The following G3BP1 variants were observed in gnomAD, a reference collection of about 807,000 sequenced individuals.
G3BP1 encodes G3BP stress granule assembly factor 1, also known as ras GTPase-activating protein-binding protein 1.
G3BP1 carries 35 observed loss-of-function variants against 58.6 expected under a neutral mutation model. That is an observed-to-expected ratio of 0.60 (90% CI 0.46 to 0.79). The LOEUF is 0.79. Among genes scored for constraint, G3BP1 ranks in the 30% least tolerant of loss-of-function variants. G3BP1 has a pLI of 0.00. For synonymous variants in G3BP1, 191 were observed against 195.4 expected (o/e 0.98, Z 0.19); for missense variants, 523 against 580.8 (o/e 0.90, Z 1.02).
intron 11 of G3BP1, among the ~76,000 whole-genome samples, chr5:151,802,849 C>T (rs923477996): frequency 1.3e-5 from 2 of 152,134 alleles, no homozygotes; most frequent in Admixed American, 6.5e-5. Flanking sequence ...AGGAGAATGG[C>T]GTGAATCTGG....
rs1437929761 is a variant in G3BP1 at position 151,803,874 on chromosome 5, G to T, written c.1195-11G>T. 3.1e-6 allele frequency: 5 copies of T among 1,593,544 alleles called. No individual in the cohort carries two copies. The Admixed American group carries it at 8.4e-5, about 27-fold the overall frequency. Reference sequence around the variant, plus strand: ...CAGTACTCTTAAGTCTGGTCACCTTGATTCTTACAGCCCATCATGTTCAGA... The same window carrying T: ...CAGTACTCTTAAGTCTGGTCACCTTTATTCTTACAGCCCATCATGTTCAGA... On this transcript the variant is annotated splice_polypyrimidine_tract_variant and intron_variant, in intron 11 of 11. Transcript: ENST00000356245.
chr5:151,797,094 T>C (rs1454180687), intron 6 of G3BP1, 133 bp from the exon 7 acceptor site: 3 of 779,838 alleles, frequency 3.8e-6, no homozygotes, highest in Admixed American at 2.8e-5. Flanking sequence ...CAGATAGATA[T>C]ACAATTCTTA....
Position 151,810,014 on chromosome 5 carries a change from T to C in G3BP1, c.*5923T>C, listed in dbSNP as rs1208999674. On this transcript the variant is annotated 3_prime_UTR_variant, in exon 12 of 12. Transcript: ENST00000356245. Reference sequence around the variant, plus strand: ...TAATTTCTCCTAAATACTTCAGCATTTTGCATTCTGTACATTGTGGTGCTT... The same window carrying C: ...TAATTTCTCCTAAATACTTCAGCATCTTGCATTCTGTACATTGTGGTGCTT... 1.3e-5 allele frequency: 2 copies of C among 152,212 alleles called. No homozygotes were observed. The highest frequency in any genetic ancestry group is 2.9e-5 in the Non-Finnish European group (2 of 68,046). 9.4% of individuals were successfully genotyped at this position (152,212 alleles called of 1,614,324 possible). A position where few individuals can be genotyped will look rare whatever the true frequency, so the allele number is the denominator to read the frequency against.
intron 1 of G3BP1, among the ~76,000 whole-genome samples, chr5:151,780,797 C>T (rs1281819416): frequency 1.3e-5 from 2 of 152,152 alleles, no homozygotes; most frequent in Non-Finnish European, 2.9e-5. Flanking sequence ...CAGGTGTGAG[C>T]CACCGCGCCT....
chr5:151,795,904 T>C (rs1347043973), intron 6 of G3BP1, among the ~76,000 whole-genome samples: 1 of 152,214 alleles, frequency 6.6e-6, no homozygotes, highest in Non-Finnish European at 1.5e-5. Flanking sequence ...TTTGAGGGAA[T>C]ATGAAGTGGA....
At chr5:151,802,734 C>A (rs1448988891) in intron 11 of G3BP1, among the ~76,000 whole-genome samples, 42 of 152,272 alleles carry the variant, frequency 2.8e-4, no homozygotes, top group South Asian at 2.1e-4. Context: ...GAGATTGAGA[C>A]CATCCTGGCT....
rs752794674 is a variant in G3BP1, at chr5:151,804,140, T to C, written c.*49T>C. Reference sequence around the variant, plus strand: ...CATACAAACCCTGGTTCCAACAGAATGGTGAATTTTCGACAGCCTTTGGTA... The same window carrying C: ...CATACAAACCCTGGTTCCAACAGAACGGTGAATTTTCGACAGCCTTTGGTA... On this transcript the variant is annotated 3_prime_UTR_variant, in exon 12 of 12. Transcript: ENST00000356245. 2 of 1,369,364 alleles carry C rather than the reference T, an allele frequency of 1.5e-6. No homozygotes were observed. Among genetic ancestry groups the C allele is most frequent in the Non-Finnish European group, 2.0e-6 (2 of 990,390 alleles). 84.8% of individuals were successfully genotyped at this position (1,369,364 alleles called of 1,614,324 possible).
chr5:151,797,304 C>G lies in G3BP1; in HGVS notation c.617C>G (p.Pro206Arg). The part of the protein sequence containing the change: ...PDPEPEPEQE[P>R]VSEIQEEKPE... ...CCTGAACCAGAACCAGAACAAGAAC[C>G]TGTATCTGAAATCCAAGAGGAAAAG... Residue 206 changes from proline to arginine, a missense_variant, in exon 7 of 12, where the codon CCT becomes CGT. Coordinates refer to ENST00000356245, the MANE Select transcript of G3BP1 (RefSeq NM_005754.3). 1 of 1,613,706 alleles carries G rather than the reference C, an allele frequency of 6.2e-7. No individual in the cohort carries two copies. The highest frequency in any genetic ancestry group is 8.5e-7 in the Non-Finnish European group (1 of 1,179,608).
chr5:151,776,953 T>C (rs1762382674), intron 1 of G3BP1, among the ~76,000 whole-genome samples: 1 of 151,996 alleles, frequency 6.6e-6, no homozygotes, highest in Non-Finnish European at 1.5e-5. Context: ...TCTTATCTGT[T>C]TTTTAAAAGC....
intron 4 of G3BP1, chr5:151,791,885 G>C: frequency 1.2e-5 from 4 of 338,608 alleles, no homozygotes; most frequent in Non-Finnish European, 2.3e-5. Context: ...TCTAACTCCT[G>C]ACCTCAAGTG....
intron 5 of G3BP1, among the ~76,000 whole-genome samples, 196 bp from the exon 6 acceptor site, chr5:151,795,276 TCAAAAAA>T (rs1020260455): frequency 1.7e-4 from 26 of 152,138 alleles, no homozygotes; most frequent in Non-Finnish European, 2.9e-5. Flanking sequence ...AGACTCCGTC[TCAAAAAA>T]CAAAAAACAA....
Position 151,797,358 on chromosome 5 carries a change from C to T in G3BP1, c.671C>T (p.Pro224Leu), listed in dbSNP as rs751743912. ...GAGCCAGTATTAGAAGAAACTGCCC[C>T]TGAGGATGCTCAGAAGAGTTCTTCT... Reference protein sequence around the residue: ...KPEPVLEETAPEDAQKSSSPA... With the variant: ...KPEPVLEETALEDAQKSSSPA... Residue 224 changes from proline (P) to leucine (L), a missense_variant, in exon 7 of 12, where the codon CCT (proline) becomes CTT (leucine). Pro to Leu is a moderately conservative substitution (Grantham distance 98). This residue lies in a region of G3BP1 where 398 missense variants were observed against 399.1 expected (regional missense o/e 1.00). Transcript: ENST00000356245. 7.4e-6 allele frequency: 12 copies of T among 1,614,082 alleles called. No homozygotes were observed. The highest frequency in any genetic ancestry group is 1.7e-5 in the Admixed American group (1 of 60,012).
rs1400126829 is a variant in G3BP1 at position 151,800,832 on chromosome 5, A to G, written c.1157A>G (p.Asp386Gly). ...KLPNFGFVVFDDSEPVQKVLS... is the reference protein window; with the variant it reads ...KLPNFGFVVFGDSEPVQKVLS... ...CCCAATTTTGGTTTTGTTGTGTTTG[A>G]TGATTCTGAGCCTGTTCAGAAAGTC... The change falls in exon 11 of 12, where the codon GAT becomes GGT. Residue 386 changes from aspartate to glycine, a missense_variant. Physicochemically the swap from Asp to Gly is moderately conservative, Grantham distance 94. This residue lies in a region of G3BP1 where 125 missense variants were observed against 181.7 expected (regional missense o/e 0.69). Transcript: ENST00000356245. The G allele has an allele frequency of 6.2e-7, 1 of 1,608,922 alleles. No homozygotes were observed. The highest frequency in any genetic ancestry group is 1.7e-5 in the Admixed American group (1 of 59,930).
At chr5:151,781,780 T>C (rs1463832934) in intron 1 of G3BP1, among the ~76,000 whole-genome samples, 1 of 152,246 alleles carries the variant, frequency 6.6e-6, no homozygotes, top group Admixed American at 6.5e-5. Context: ...ATTGTAAGAA[T>C]ACAGTATATA....
chr5:151,775,988 T>G (rs1762362769), intron 1 of G3BP1, among the ~76,000 whole-genome samples: 1 of 152,220 alleles, frequency 6.6e-6, no homozygotes. Flanking sequence ...ACTGAGAAAT[T>G]AACATCGATA....
chr5:151,785,148 C>T (rs1331833034), intron 1 of G3BP1, among the ~76,000 whole-genome samples: 2 of 152,298 alleles, frequency 1.3e-5, no homozygotes, highest in South Asian at 2.1e-4. Flanking sequence ...CCACCGTGAC[C>T]AGCCAACTTT....
At chr5:151,798,613 G>A (rs905285353) in intron 7 of G3BP1, among the ~76,000 whole-genome samples, 1 of 152,232 alleles carries the variant, frequency 6.6e-6, no homozygotes, top group African/African-American at 2.4e-5. Context: ...AGTAGGAAGA[G>A]CTGAGCTGAT....
chr5:151,790,246 A>T lies in G3BP1; in HGVS notation c.96-77A>T, dbSNP rs1581577304. The T allele has an allele frequency of 4.9e-5, 34 of 688,746 alleles. No homozygotes were observed. In the East Asian group the frequency reaches 6.6e-4, roughly 13 times the overall value. The allele number at this position is 688,746 out of a possible 1,614,324, so 42.7% of individuals were successfully genotyped here. On this transcript the variant is annotated intron_variant, in intron 2 of 11. Transcript: ENST00000356245. ...ACCCCGTTGCAAAAAAAAAAAAAAA[A>T]GTTTGCCAGTATCAGACGTGAAAAA...
Position 151,802,889 on chromosome 5 carries a change from C to T in G3BP1, c.1195-996C>T, listed in dbSNP as rs181367328. Among the ~76,000 whole-genome samples the T allele has an allele frequency of 1.4e-3, 213 of 152,038 alleles. 2 individuals carry two copies. The East Asian group carries it at 0.015, about 11-fold the overall frequency. On this transcript the variant is annotated intron_variant, in intron 11 of 11. Coordinates refer to ENST00000356245, the MANE Select transcript of G3BP1 (RefSeq NM_005754.3). ...CGGAGCTTGCAGTGAGCCGAGATCG[C>T]GCCACTGCACTCCAGCCTGGGCAGC...
Sources: allele counts gnomAD v4.1 joint callset (sites outside exome capture counted in the v4.1 genomes callset), GRCh38; gene constraint gnomAD v4.1.1; regional missense constraint gnomAD v4.1.1; transcripts MANE v1.5; gene names NCBI Gene and HGNC (gene_info 2026-07-23, HGNC 2026-07-21).